Variants in MALRD1 observed in about 807,000 individuals in gnomAD.
MALRD1 encodes MAM and LDL receptor class A domain containing 1.
A neutral mutation model predicts 242.1 loss-of-function variants in MALRD1; 247 were observed. The ratio of observed to expected loss-of-function variants is 1.02; its 90% CI spans 0.92 to 1.13. The LOEUF (loss-of-function observed/expected upper bound fraction) is 1.13, where lower values mean the gene tolerates loss of function less well. MALRD1 is among the 50% of genes most tolerant of loss of function. The pLI, the probability that MALRD1 is intolerant of heterozygous loss-of-function variation, is 0.00. For missense variants in MALRD1, 2,989 were observed against 2,533.1 expected (o/e 1.18, Z -3.86); for synonymous variants, 995 against 866.6 (o/e 1.15, Z -2.60).
chr10:19,099,300 CCTCA>C (rs1366919207), intron 4 of MALRD1, among the ~76,000 whole-genome samples: 1 of 152,102 alleles, frequency 6.6e-6, no homozygotes, highest in Non-Finnish European at 1.5e-5. Flanking sequence ...ACTCTTTTAC[CCTCA>C]CTATCTGCCT....
At chr10:19,182,439 C>T (rs919834466) in intron 14 of MALRD1, among the ~76,000 whole-genome samples, 1 of 150,684 alleles carries the variant, frequency 6.6e-6, no homozygotes, top group Non-Finnish European at 1.5e-5. Context: ...ATTCTCCTGC[C>T]TCAGCCTCCC....
At chr10:19,627,316 G>A (rs78777578) in intron 36 of MALRD1, among the ~76,000 whole-genome samples, 6,015 of 152,068 alleles carry the variant, frequency 0.04, 168 homozygotes, top group Admixed American at 0.054. Flanking sequence ...GTAAGCAGCT[G>A]TAAAATAAAA....
intron 38 of MALRD1, among the ~76,000 whole-genome samples, chr10:19,701,594 G>T (rs1205910285): frequency 6.6e-6 from 1 of 152,084 alleles, no homozygotes; most frequent in Non-Finnish European, 1.5e-5. Flanking sequence ...AGTAGCAAAA[G>T]ATGAGATTTG....
At chr10:19,416,963 C>T (rs545875454) in intron 28 of MALRD1, among the ~76,000 whole-genome samples, 1 of 152,200 alleles carries the variant, frequency 6.6e-6, no homozygotes, top group Non-Finnish European at 1.5e-5. Flanking sequence ...GTGATGAACA[C>T]TTCGCTACCT....
chr10:19,469,368 A>C (rs1461446267), intron 29 of MALRD1, among the ~76,000 whole-genome samples: 1 of 151,976 alleles, frequency 6.6e-6, no homozygotes, highest in African/African-American at 2.4e-5. Flanking sequence ...TGACTTTTTT[A>C]GTTTTAGCAC....
chr10:19,443,615 A>T (rs1032038441), intron 28 of MALRD1, among the ~76,000 whole-genome samples: 5 of 152,118 alleles, frequency 3.3e-5, no homozygotes, highest in Non-Finnish European at 5.9e-5. Flanking sequence ...TTCAGTTTCC[A>T]TGTAGTTGAG....
At chr10:19,165,597 C>A in intron 12 of MALRD1, 40 bp from the exon 13 acceptor site, 1 of 1,213,210 alleles carries the variant, frequency 8.2e-7, no homozygotes, top group Non-Finnish European at 1.0e-6. Flanking sequence ...AGAGACAGGT[C>A]AATGGAATAT....
At chr10:19,094,475 G>A (rs1023384226) in intron 4 of MALRD1, among the ~76,000 whole-genome samples, 2 of 149,150 alleles carry the variant, frequency 1.3e-5, no homozygotes, top group Admixed American at 6.7e-5. Flanking sequence ...ACACACACTG[G>A]CCTGCGCCCA....
intron 28 of MALRD1, among the ~76,000 whole-genome samples, chr10:19,419,026 T>C (rs1833616327): frequency 6.6e-6 from 1 of 152,128 alleles, no homozygotes; most frequent in East Asian, 1.9e-4. Flanking sequence ...CATTTGGTGG[T>C]TTCCCATAAC....
intron 35 of MALRD1, 49 bp downstream of exon 35, chr10:19,607,951 A>G (rs773284706): frequency 6.5e-7 from 1 of 1,531,190 alleles, no homozygotes; most frequent in East Asian, 2.5e-5. Flanking sequence ...CAGCAACTTA[A>G]CCTGCAACAC....
At chr10:19,391,076 A>G (rs67477729) in intron 28 of MALRD1, among the ~76,000 whole-genome samples, 18,223 of 152,214 alleles carry the variant, frequency 0.12, 1,200 homozygotes, top group South Asian at 0.16. Context: ...ATTATGTTAC[A>G]GTAACAAACT....
chr10:19,397,846 T>C, intron 28 of MALRD1, among the ~76,000 whole-genome samples: 1 of 152,076 alleles, frequency 6.6e-6, no homozygotes, highest in Non-Finnish European at 1.5e-5. Flanking sequence ...TAATAGCCAT[T>C]CTAACAGGCA....
At chr10:19,178,409 G>T (rs1354266923) in intron 14 of MALRD1, among the ~76,000 whole-genome samples, 1 of 152,180 alleles carries the variant, frequency 6.6e-6, no homozygotes, top group Non-Finnish European at 1.5e-5. Flanking sequence ...AACGTGCCAT[G>T]CTCCATTGAC....
intron 21 of MALRD1, among the ~76,000 whole-genome samples, chr10:19,284,586 A>G (rs1197721048): frequency 6.6e-6 from 1 of 151,112 alleles, no homozygotes; most frequent in Non-Finnish European, 1.5e-5. Context: ...TGAACTCATC[A>G]TTTTTGATGG....
rs1445342315 is a variant in MALRD1 at position 19,088,278 on chromosome 10, A to G, written c.597+93A>G. Reference sequence around the variant, plus strand: ...GAACTAAAAGTAAGGCAACTGTCCCAGTTTGCCAGGGACTGAGGGATTTCC... The same window carrying G: ...GAACTAAAAGTAAGGCAACTGTCCCGGTTTGCCAGGGACTGAGGGATTTCC... On this transcript the variant is annotated intron_variant, in intron 4 of 39. Coordinates refer to ENST00000454679, the MANE Select transcript of MALRD1 (RefSeq NM_001142308.3). The G allele has an allele frequency of 4.4e-6, 5 of 1,125,408 alleles. No homozygotes were observed. The African/African-American group carries it at 8.0e-5, about 18-fold the overall frequency. The allele number at this position is 1,125,408 out of a possible 1,614,324, so 69.7% of individuals were successfully genotyped here. A position where few individuals can be genotyped will look rare whatever the true frequency, so the allele number is the denominator to read the frequency against.
At chr10:19,230,525 AG>A (rs1838005036) in intron 18 of MALRD1, among the ~76,000 whole-genome samples, 1 of 152,162 alleles carries the variant, frequency 6.6e-6, no homozygotes, top group Admixed American at 6.5e-5. Context: ...ATGAACTCAC[AG>A]GGTAAGAACT....
chr10:19,230,420 G>A (rs2131693565), intron 18 of MALRD1, among the ~76,000 whole-genome samples: 1 of 152,224 alleles, frequency 6.6e-6, no homozygotes, highest in South Asian at 2.1e-4. Context: ...CAATCATGGT[G>A]GAAGGTGAAG....
chr10:19,668,795 AG>A (rs1181850358), intron 36 of MALRD1, among the ~76,000 whole-genome samples: 1 of 151,972 alleles, frequency 6.6e-6, no homozygotes, highest in Admixed American at 6.5e-5. Context: ...TATAAAGGAA[AG>A]GAAAATATGG....
At chr10:19,730,679 A>C (rs1835251760) in intron 38 of MALRD1, 27 bp from the exon 39 acceptor site, 5 of 1,534,784 alleles carry the variant, frequency 3.3e-6, no homozygotes, top group Non-Finnish European at 4.4e-6. Context: ...ATAGTTTTTT[A>C]TTTTTGATGG....
Sources: gnomAD v4.1 joint callset for allele counts (sites outside exome capture counted in the v4.1 genomes callset) on GRCh38, gnomAD v4.1.1 for gene constraint, MANE v1.5 for transcripts, NCBI Gene and HGNC (gene_info 2026-07-23, HGNC 2026-07-21) for gene names.